Variants in TOGARAM2 observed in about 807,000 individuals in gnomAD.
TOGARAM2 encodes TOG array regulator of axonemal microtubules 2.
TOGARAM2 carries 85 observed loss-of-function variants against 93.3 expected under a neutral mutation model. The observed-to-expected ratio is 0.91, with a 90% CI of 0.76 to 1.09. TOGARAM2 has a LOEUF of 1.09. Ranked by LOEUF, TOGARAM2 falls within the 50% of genes least tolerant of loss-of-function variation. TOGARAM2 has a pLI of 0.00. For synonymous variants in TOGARAM2, 593 were observed against 552.8 expected (o/e 1.07, Z -1.02); for missense variants, 1,277 against 1,334.5 (o/e 0.96, Z 0.67).
intron 17 of TOGARAM2, among the ~76,000 whole-genome samples, chr2:29,036,060 G>A (rs1422203754): frequency 6.6e-6 from 1 of 152,078 alleles, no homozygotes; most frequent in Admixed American, 6.5e-5. Flanking sequence ...GAACACTCAG[G>A]TGGGTGCCTG....
At chr2:29,008,214 G>C (rs1047551595) in intron 6 of TOGARAM2, among the ~76,000 whole-genome samples, 2 of 151,846 alleles carry the variant, frequency 1.3e-5, no homozygotes, top group African/African-American at 4.8e-5. Context: ...GCAGTGGCAC[G>C]ATCTTGGCTC....
intron 1 of TOGARAM2, among the ~76,000 whole-genome samples, chr2:28,965,197 T>G (rs1162940370): frequency 6.6e-6 from 1 of 152,242 alleles, no homozygotes; most frequent in Non-Finnish European, 1.5e-5. Context: ...TGGTGGGGTT[T>G]TGTTTTTTTA....
chr2:29,024,279 G>A lies in TOGARAM2; in HGVS notation c.1758G>A (p.Glu586=), dbSNP rs779246627. ...CLLQKMADTN[E]FIQRAAGQSL... is the part of the protein sequence containing the mutation. ...TGCAGAAGATGGCGGACACCAACGA[G>A]TTCATCCAGAGAGCAGCCGGCCAGT... The change falls in exon 13 of 20, where the codon GAG becomes GAA. Residue 586 remains glutamate (E), a synonymous_variant. Coordinates refer to ENST00000379558, the MANE Select transcript of TOGARAM2 (RefSeq NM_199280.4). The A allele has an allele frequency of 1.6e-5, 26 of 1,613,224 alleles. No homozygotes were observed. The highest frequency in any genetic ancestry group is 1.6e-4 in the Middle Eastern group (1 of 6,084).
intron 18 of TOGARAM2, among the ~76,000 whole-genome samples, chr2:29,037,556 C>T (rs1423998430): frequency 6.6e-6 from 1 of 152,182 alleles, no homozygotes; most frequent in Non-Finnish European, 1.5e-5. Flanking sequence ...GGACACCCCT[C>T]CTGATACACT....
chr2:28,968,900 T>C (rs1165070435), intron 1 of TOGARAM2, among the ~76,000 whole-genome samples: 1 of 150,382 alleles, frequency 6.6e-6, no homozygotes, highest in Admixed American at 6.7e-5. Context: ...TCCCCTGTAT[T>C]ACCCTTAAAG....
chr2:28,961,112 G>C (rs1331328597), intron 1 of TOGARAM2, among the ~76,000 whole-genome samples: 1 of 152,060 alleles, frequency 6.6e-6, no homozygotes, highest in Non-Finnish European at 1.5e-5. Context: ...TCTAGTCAGT[G>C]AGTTAGCAGC....
At chr2:28,999,695 C>G (rs1235719115) in intron 4 of TOGARAM2, among the ~76,000 whole-genome samples, 1 of 152,246 alleles carries the variant, frequency 6.6e-6, no homozygotes, top group Non-Finnish European at 1.5e-5. Flanking sequence ...TTCATTCCCA[C>G]CCTTGCGCCT....
chr2:29,035,150 C>CAAA lies in TOGARAM2; in HGVS notation c.2226-295_2226-293dup, dbSNP rs5830098. ...GGGCAGCAAGAGCGAGACTCTGCCTCAAAAAAAAAAAAAAAAAAAAATGTG... is the reference window on the plus strand; with the variant it reads ...GGGCAGCAAGAGCGAGACTCTGCCTCAAAAAAAAAAAAAAAAAAAAAAAATGTG... On this transcript the variant is annotated intron_variant, in intron 16 of 19. Coordinates refer to ENST00000379558, the MANE Select transcript of TOGARAM2 (RefSeq NM_199280.4). Among the ~76,000 whole-genome samples, 8 of 102,550 alleles carry CAAA rather than the reference C, an allele frequency of 7.8e-5. 1 individual carries two copies. The highest frequency in any genetic ancestry group is 3.1e-4 in the South Asian group (1 of 3,212). 67.3% of individuals were successfully genotyped at this position (102,550 alleles called of 152,430 possible). A position where few individuals can be genotyped will look rare whatever the true frequency, so the allele number is the denominator to read the frequency against.
At chr2:28,965,636 T>C (rs1671856397) in intron 1 of TOGARAM2, among the ~76,000 whole-genome samples, 1 of 152,240 alleles carries the variant, frequency 6.6e-6, no homozygotes, top group South Asian at 2.1e-4. Flanking sequence ...TTGTACCCTC[T>C]TGTGCACATC....
chr2:29,040,107 G>T (rs185967072), intron 18 of TOGARAM2, among the ~76,000 whole-genome samples: 10 of 152,256 alleles, frequency 6.6e-5, no homozygotes, highest in Admixed American at 6.5e-4. Context: ...ATTTAAAAAT[G>T]CATCCATGGT....
intron 7 of TOGARAM2, among the ~76,000 whole-genome samples, chr2:29,013,191 C>T (rs1664353965): frequency 6.6e-6 from 1 of 152,168 alleles, no homozygotes; most frequent in Non-Finnish European, 1.5e-5. Context: ...GAGAAATGTA[C>T]CTTTAAAATC....
At chr2:29,009,003 C>T (rs910745203) in intron 6 of TOGARAM2, among the ~76,000 whole-genome samples, 4 of 152,196 alleles carry the variant, frequency 2.6e-5, no homozygotes, top group African/African-American at 7.2e-5. Context: ...TCCATCTGTC[C>T]GTTTACTCAC....
chr2:28,987,883 G>A (rs551041129), intron 1 of TOGARAM2, among the ~76,000 whole-genome samples: 1 of 152,380 alleles, frequency 6.6e-6, no homozygotes, highest in African/African-American at 2.4e-5. Flanking sequence ...GCCAGTCACA[G>A]CTGGAGTCAG....
At position 29,052,164 on chromosome 2, in the gene TOGARAM2, C is replaced by G; in HGVS notation, c.*71C>G. ...TGGACTATTCTCCTGGTTACTTTCC[C>G]CCTTAGAGTTCCAGATGTACATGGT... On this transcript the variant is annotated 3_prime_UTR_variant, in exon 20 of 20. Transcript: ENST00000379558. 1.6e-6 allele frequency: 2 copies of G among 1,234,122 alleles called. No homozygotes were observed. Among genetic ancestry groups the G allele is most frequent in the Non-Finnish European group, 2.2e-6 (2 of 914,448 alleles). The allele number at this position is 1,234,122 out of a possible 1,614,324, so 76.4% of individuals were successfully genotyped here.
intron 6 of TOGARAM2, among the ~76,000 whole-genome samples, chr2:29,005,418 TGA>T (rs1491086507): frequency 6.8e-6 from 1 of 147,808 alleles, no homozygotes; most frequent in African/African-American, 2.5e-5. Flanking sequence ...TGTGCGTGTG[TGA>T]GAGCATGCAT....
Position 29,044,343 on chromosome 2 carries a change from A to G in TOGARAM2, c.2636-981A>G, listed in dbSNP as rs534033038. On this transcript the variant is annotated intron_variant, in intron 18 of 19. Transcript: ENST00000379558. Reference sequence around the variant, plus strand: ...CTGAGACTCAGACCACCTGGAGTTTACAAGTAAGGAGAAAATCAGGCCAGG... The same window carrying G: ...CTGAGACTCAGACCACCTGGAGTTTGCAAGTAAGGAGAAAATCAGGCCAGG... 4.6e-5 allele frequency among the ~76,000 whole-genome samples: 7 copies of G among 152,334 alleles called. No homozygotes were observed. In the South Asian group the frequency reaches 1.5e-3, roughly 32 times the overall value.
upstream of TOGARAM2, among the ~76,000 whole-genome samples, chr2:28,980,106 T>C (rs2148231757): frequency 6.6e-6 from 1 of 152,308 alleles, no homozygotes; most frequent in East Asian, 1.9e-4. Flanking sequence ...AGGAAGAGTC[T>C]CCTTTCTGGG....
chr2:29,045,898 G>A (rs2148397680), intron 19 of TOGARAM2: 1 of 226,908 alleles, frequency 4.4e-6, no homozygotes, highest in African/African-American at 2.4e-5. Context: ...TTGCAAACAA[G>A]GCTGCTTCTA....
chr2:28,990,081 G>A (rs1406544474), intron 1 of TOGARAM2, among the ~76,000 whole-genome samples: 1 of 152,204 alleles, frequency 6.6e-6, no homozygotes, highest in African/African-American at 2.4e-5. Flanking sequence ...AGCAGAGGTG[G>A]GTGGAGGGGT....
Sources: allele counts gnomAD v4.1 joint callset (sites outside exome capture counted in the v4.1 genomes callset), GRCh38; gene constraint gnomAD v4.1.1; transcripts MANE v1.5; gene names NCBI Gene and HGNC (gene_info 2026-07-23, HGNC 2026-07-21).